TEK: variants seen among roughly 807,000 people sequenced by gnomAD.
TEK encodes TEK receptor tyrosine kinase.
A neutral mutation model predicts 131.8 loss-of-function variants in TEK; 43 were observed. The ratio of observed to expected loss-of-function variants is 0.33; its 90% CI spans 0.26 to 0.42. TEK has a LOEUF of 0.42. Among genes scored for constraint, TEK ranks in the 10% least tolerant of loss-of-function variants. The pLI, the probability that TEK is intolerant of heterozygous loss-of-function variation, is 1.00. For synonymous variants in TEK, 580 were observed against 491.6 expected, an observed-to-expected ratio of 1.18 and a Z score of -2.38; for missense variants, 1,162 against 1,384.4, an observed-to-expected ratio of 0.84 and a Z score of 2.55.
chr9:27,113,823 C>A (rs1821443562), intron 1 of TEK, among the ~76,000 whole-genome samples: 1 of 152,192 alleles, frequency 6.6e-6, no homozygotes, highest in Non-Finnish European at 1.5e-5. Context: ...AACTACCCAT[C>A]TACCCTCCCC....
intron 1 of TEK, among the ~76,000 whole-genome samples, chr9:27,123,368 A>C (rs1821871722): frequency 6.6e-6 from 1 of 152,132 alleles, no homozygotes; most frequent in African/African-American, 2.4e-5. Flanking sequence ...GGGGGTGTAA[A>C]GGGAGTAAGG....
chr9:27,203,039 T>C lies in TEK; in HGVS notation c.2129T>C (p.Val710Ala), dbSNP rs1251934221. 1 of 1,614,080 alleles carries C rather than the reference T, an allele frequency of 6.2e-7. No homozygotes were observed. The highest frequency in any genetic ancestry group is 2.2e-5 in the East Asian group (1 of 44,872). ...KGLEPETAYQ[V>A]DIFAENNIGS... is the part of the protein sequence containing the mutation. ...CTAGAGCCTGAAACAGCATACCAGG[T>C]GGACATTTTTGCAGAGAACAACATA... is the stretch of plus-strand genomic sequence containing the variant. The change falls in exon 13 of 23, where the codon GTG (valine) becomes GCG (alanine). Residue 710 changes from valine (V) to alanine (A), a missense_variant. By Grantham distance (64) the Val-to-Ala change is moderately conservative. Transcript: ENST00000380036.
intron 21 of TEK, among the ~76,000 whole-genome samples, chr9:27,227,752 A>G (rs928498852): frequency 6.6e-6 from 1 of 152,186 alleles, no homozygotes; most frequent in Non-Finnish European, 1.5e-5. Context: ...TTTGGGTGGC[A>G]TGAACATTCA....
Position 27,229,334 on chromosome 9 carries a change from T to A in TEK, c.*102T>A, listed in dbSNP as rs1587066336. On this transcript the variant is annotated 3_prime_UTR_variant, in exon 23 of 23. Transcript: ENST00000380036. ...TCTGCCAAAGGATGTGATATATAAGTGTACATATGTGCTGTACACCTGGGA... is the reference window on the plus strand; with the variant it reads ...TCTGCCAAAGGATGTGATATATAAGAGTACATATGTGCTGTACACCTGGGA... 2 of 1,116,292 alleles carry A rather than the reference T, an allele frequency of 1.8e-6. No individual in the cohort carries two copies. The highest frequency in any genetic ancestry group is 4.7e-5 in the East Asian group (2 of 42,454). 69.1% of individuals were successfully genotyped at this position (1,116,292 alleles called of 1,614,324 possible).
At chr9:27,219,697 A>ATGAGTTATAAAACTATGGAC (rs1825976893) in intron 20 of TEK, among the ~76,000 whole-genome samples, 1 of 152,072 alleles carries the variant, frequency 6.6e-6, no homozygotes, top group South Asian at 2.1e-4. Flanking sequence ...TTGATAAAAT[A>ATGAGTTATAAAACTATGGAC]TGAGTTATAA....
intron 9 of TEK, among the ~76,000 whole-genome samples, chr9:27,189,809 T>G (rs547777161): frequency 1.3e-5 from 2 of 152,214 alleles, no homozygotes; most frequent in African/African-American, 4.8e-5. Flanking sequence ...ATGTCTGACT[T>G]CTGACTTCTA....
chr9:27,218,843 G>C, intron 20 of TEK, 26 bp downstream of exon 20: 1 of 1,612,416 alleles, frequency 6.2e-7, no homozygotes, highest in Non-Finnish European at 8.5e-7. Flanking sequence ...TATCTACCAG[G>C]TGAGACTCTA....
At chr9:27,154,135 TTC>T (rs1036906777) in intron 1 of TEK, among the ~76,000 whole-genome samples, 1 of 152,190 alleles carries the variant, frequency 6.6e-6, no homozygotes, top group African/African-American at 2.4e-5. Flanking sequence ...TGCCATTTTT[TTC>T]TCTCTCTCTT....
intron 1 of TEK, among the ~76,000 whole-genome samples, chr9:27,116,226 T>C (rs947190531): frequency 6.6e-6 from 1 of 152,170 alleles, no homozygotes; most frequent in African/African-American, 2.4e-5. Flanking sequence ...GTGTGCTGAA[T>C]GGAGGTGGGC....
At chr9:27,218,418 G>A (rs1283398908) in intron 19 of TEK, among the ~76,000 whole-genome samples, 1 of 152,084 alleles carries the variant, frequency 6.6e-6, no homozygotes, top group Non-Finnish European at 1.5e-5. Flanking sequence ...ACACTAAGAG[G>A]TCCCAAGAGG....
At chr9:27,174,626 G>A (rs1289732604) in intron 6 of TEK, among the ~76,000 whole-genome samples, 1 of 152,088 alleles carries the variant, frequency 6.6e-6, no homozygotes, top group Non-Finnish European at 1.5e-5. Context: ...ATAGCTCCAG[G>A]GGCTTGGAGG....
intron 20 of TEK, among the ~76,000 whole-genome samples, chr9:27,219,556 A>C (rs1244089086): frequency 6.6e-6 from 1 of 152,176 alleles, no homozygotes; most frequent in African/African-American, 2.4e-5. Context: ...TAAAACCTAG[A>C]TGATGGGTCG....
chr9:27,148,584 T>C (rs1468110380), intron 1 of TEK, among the ~76,000 whole-genome samples: 1 of 152,234 alleles, frequency 6.6e-6, no homozygotes, highest in East Asian at 1.9e-4. Context: ...CAAGCACTTT[T>C]CAAGCCTCTG....
intron 20 of TEK, among the ~76,000 whole-genome samples, chr9:27,219,295 T>G (rs1270588790): frequency 1.3e-5 from 2 of 152,200 alleles, no homozygotes; most frequent in African/African-American, 4.8e-5. Context: ...TGGAATACTA[T>G]GCAGCCACAA....
chr9:27,138,271 A>G (rs1822580125), intron 1 of TEK, among the ~76,000 whole-genome samples: 1 of 152,202 alleles, frequency 6.6e-6, no homozygotes, highest in African/African-American at 2.4e-5. Context: ...GCCAGCTTTT[A>G]TTCCCTTATT....
chr9:27,119,895 G>GTGTA (rs1821715663), intron 1 of TEK, among the ~76,000 whole-genome samples: 2 of 151,756 alleles, frequency 1.3e-5, no homozygotes. Context: ...ACATGCGTGT[G>GTGTA]TGTGTGTGCA....
intron 1 of TEK, among the ~76,000 whole-genome samples, chr9:27,147,978 T>G (rs7854048): frequency 6.6e-6 from 1 of 152,114 alleles, no homozygotes; most frequent in African/African-American, 2.4e-5. Context: ...TATTTAATCT[T>G]TCTTTGTCAT....
intron 1 of TEK, among the ~76,000 whole-genome samples, chr9:27,138,089 C>T (rs1347492728): frequency 6.6e-6 from 1 of 152,210 alleles, no homozygotes; most frequent in African/African-American, 2.4e-5. Flanking sequence ...GGTTCGTGGT[C>T]TCACTGACCT....
At chr9:27,148,021 A>G (rs1258630073) in intron 1 of TEK, among the ~76,000 whole-genome samples, 1 of 151,960 alleles carries the variant, frequency 6.6e-6, no homozygotes, top group Non-Finnish European at 1.5e-5. Flanking sequence ...AAACAGTCAT[A>G]GTACCTACTG....
Sources: gnomAD v4.1 joint callset for allele counts (sites outside exome capture counted in the v4.1 genomes callset) on GRCh38, gnomAD v4.1.1 for gene constraint, MANE v1.5 for transcripts, NCBI Gene and HGNC (gene_info 2026-07-23, HGNC 2026-07-21) for gene names.